Variants in CSMD1 observed in about 807,000 individuals in gnomAD.
CSMD1 encodes CUB and sushi domain-containing protein 1.
Under a neutral mutation model 417.5 loss-of-function variants are expected in CSMD1, and 213 were observed. The observed-to-expected ratio is 0.51, with a 90% confidence interval of 0.46 to 0.57. CSMD1 has a LOEUF of 0.57. CSMD1 is among the 20% of genes least tolerant of loss of function. CSMD1 has a pLI of 0.00. For missense variants in CSMD1, 6,923 were observed against 4,529.7 expected (o/e 1.53, Z -15.17); for synonymous variants, 2,862 against 1,736.8 (o/e 1.65, Z -16.11).
At chr8:3,680,349 G>A (rs192175724) in intron 7 of CSMD1, among the ~76,000 whole-genome samples, 242 of 152,236 alleles carry the variant, frequency 1.6e-3, no homozygotes, top group East Asian at 9.5e-3. Flanking sequence ...AAATGACAAA[G>A]GGTATATCAC....
intron 26 of CSMD1, among the ~76,000 whole-genome samples, chr8:3,275,662 G>A (rs375902419): frequency 1.6e-4 from 25 of 151,916 alleles, no homozygotes; most frequent in Non-Finnish European, 2.4e-4. Context: ...TTCCCTTCTC[G>A]CTTCATTTCA....
chr8:4,200,686 C>G (rs1188982443), intron 3 of CSMD1, among the ~76,000 whole-genome samples: 1 of 152,002 alleles, frequency 6.6e-6, no homozygotes, highest in East Asian at 1.9e-4. Flanking sequence ...GAAGACCGCA[C>G]CTCTACAAAA....
At chr8:4,455,853 C>T (rs1483516094) in intron 2 of CSMD1, among the ~76,000 whole-genome samples, 4 of 131,482 alleles carry the variant, frequency 3.0e-5, no homozygotes, top group Admixed American at 2.8e-4. Context: ...ACTGCTTGAA[C>T]CTGGGAGACA....
At chr8:4,165,799 C>T (rs550815186) in intron 3 of CSMD1, among the ~76,000 whole-genome samples, 32 of 152,288 alleles carry the variant, frequency 2.1e-4, no homozygotes, top group South Asian at 6.2e-4. Flanking sequence ...TCACTCCAGC[C>T]GCATTATGTC....
At position 3,777,429 on chromosome 8, in the gene CSMD1, G is replaced by C. The variant is rs114998372; in HGVS notation, c.819-23387C>G. ...CTCTTGCACCTGGGGCATCCTGTCA[G>C]GCCTCAGGCAGGCTTCAAAGGGAGC... On this transcript the variant is annotated intron_variant, in intron 5 of 69. Coordinates refer to ENST00000635120, the MANE Select transcript of CSMD1 (RefSeq NM_033225.6). Among the ~76,000 whole-genome samples, 1,519 of 152,210 alleles carry C rather than the reference G, an allele frequency of 1.0e-2. 35 individuals carry two copies. Among genetic ancestry groups the C allele is most frequent in the African/African-American group, 0.034 (1,409 of 41,524 alleles).
chr8:4,606,294 G>C (rs914080497), intron 2 of CSMD1, among the ~76,000 whole-genome samples: 1 of 152,102 alleles, frequency 6.6e-6, no homozygotes, highest in East Asian at 1.9e-4. Context: ...CTGTGACTTA[G>C]AGTCTGTTTA....
At position 3,557,372 on chromosome 8, in the gene CSMD1, T is replaced by C. The variant is rs888897522; in HGVS notation, c.1344+17573A>G. On this transcript the variant is annotated intron_variant, in intron 10 of 69. Coordinates refer to ENST00000635120, the MANE Select transcript of CSMD1 (RefSeq NM_033225.6). ...TAAAACATTCCAAACTTGGCCATTA[T>C]TACTATCATTTATTCGTGACCATTT... 7.7e-4 allele frequency among the ~76,000 whole-genome samples: 117 copies of C among 152,190 alleles called. 1 individual carries two copies. Among genetic ancestry groups the C allele is most frequent in the Non-Finnish European group, 1.5e-3 (100 of 68,040 alleles).
At chr8:4,477,942 A>C (rs1346789179) in intron 2 of CSMD1, among the ~76,000 whole-genome samples, 1 of 152,236 alleles carries the variant, frequency 6.6e-6, no homozygotes, top group African/African-American at 2.4e-5. Context: ...CATGATAGCT[A>C]TGCAATAAAT....
intron 3 of CSMD1, among the ~76,000 whole-genome samples, chr8:4,331,379 T>G (rs1208312465): frequency 6.6e-6 from 1 of 152,174 alleles, no homozygotes; most frequent in Non-Finnish European, 1.5e-5. Context: ...GTGTGTTTGT[T>G]GCGAGGTGTC....
chr8:3,125,869 C>A (rs531038951), intron 41 of CSMD1, among the ~76,000 whole-genome samples: 18 of 152,178 alleles, frequency 1.2e-4, no homozygotes, highest in Admixed American at 1.0e-3. Flanking sequence ...CCCAGCTACT[C>A]GGGAGGCTGA....
chr8:4,688,614 T>C (rs917680110), intron 1 of CSMD1, among the ~76,000 whole-genome samples: 4 of 152,210 alleles, frequency 2.6e-5, no homozygotes, highest in Admixed American at 6.5e-5. Context: ...TTCAACTGAA[T>C]GTCATGTTGA....
chr8:4,468,065 T>C (rs550704548), intron 2 of CSMD1, among the ~76,000 whole-genome samples: 1 of 151,724 alleles, frequency 6.6e-6, no homozygotes, highest in African/African-American at 2.4e-5. Context: ...TGTCCGTCCC[T>C]GTCTTCTGAA....
At chr8:4,044,311 T>C (rs566114912) in intron 3 of CSMD1, among the ~76,000 whole-genome samples, 5 of 152,314 alleles carry the variant, frequency 3.3e-5, no homozygotes, top group Admixed American at 2.6e-4. Context: ...TCTCTGAAAA[T>C]TGATGCAACA....
At chr8:4,833,316 G>A (rs977731176) in intron 1 of CSMD1, among the ~76,000 whole-genome samples, 2 of 152,194 alleles carry the variant, frequency 1.3e-5, no homozygotes, top group East Asian at 1.9e-4. Context: ...AAGCAAGCAT[G>A]TCTTCATGTG....
chr8:4,801,145 T>C (rs567662414), intron 1 of CSMD1, among the ~76,000 whole-genome samples: 98 of 152,362 alleles, frequency 6.4e-4, no homozygotes, highest in Non-Finnish European at 1.3e-3. Flanking sequence ...TTTTGTATCT[T>C]ACCTTAAATC....
chr8:4,150,714 C>G (rs759906342), intron 3 of CSMD1, among the ~76,000 whole-genome samples: 12 of 152,110 alleles, frequency 7.9e-5, no homozygotes, highest in Non-Finnish European at 1.6e-4. Context: ...GTGTGGAAAG[C>G]AGATTCAGAA....
At chr8:3,660,620 A>C (rs1030874628) in intron 7 of CSMD1, among the ~76,000 whole-genome samples, 1 of 149,906 alleles carries the variant, frequency 6.7e-6, no homozygotes, top group South Asian at 2.1e-4. Flanking sequence ...TCCCAGGTTC[A>C]AGCGATTCTC....
intron 3 of CSMD1, among the ~76,000 whole-genome samples, chr8:4,208,353 A>T (rs1003744753): frequency 6.6e-6 from 1 of 152,186 alleles, no homozygotes; most frequent in Admixed American, 6.5e-5. Flanking sequence ...TCCTTCCTGG[A>T]GTAAGAGGGA....
intron 3 of CSMD1, among the ~76,000 whole-genome samples, chr8:4,063,764 A>G (rs746267018): frequency 2.2e-4 from 34 of 152,272 alleles, no homozygotes; most frequent in Admixed American, 1.3e-3. Flanking sequence ...TCTAAATTTC[A>G]TATCTACTTC....
Sources: allele counts gnomAD v4.1 joint callset (sites outside exome capture counted in the v4.1 genomes callset), GRCh38; gene constraint gnomAD v4.1.1; transcripts MANE v1.5; gene names NCBI Gene and HGNC (gene_info 2026-07-23, HGNC 2026-07-21).